ABAT: variants seen among roughly 807,000 people sequenced by gnomAD.
ABAT encodes 4-aminobutyrate aminotransferase, mitochondrial.
ABAT carries 45 observed loss-of-function variants against 64.6 expected under a neutral mutation model. That is an observed-to-expected ratio of 0.70 (90% CI 0.55 to 0.89). ABAT has a LOEUF of 0.89. Ranked by LOEUF, ABAT falls within the 40% of genes least tolerant of loss-of-function variation. ABAT has a pLI of 0.00. For missense variants in ABAT, 633 were observed against 658.4 expected (o/e 0.96, Z 0.42); for synonymous variants, 297 against 250.5 (o/e 1.19, Z -1.75).
chr16:8,730,909 C>T (rs1285727880), intron 1 of ABAT, among the ~76,000 whole-genome samples: 1 of 152,200 alleles, frequency 6.6e-6, no homozygotes, highest in Non-Finnish European at 1.5e-5. Context: ...AATAGTTTTA[C>T]TTTGTTTACT....
Position 8,768,325 on chromosome 16 carries a change from G to T in ABAT, c.667+69G>T, listed in dbSNP as rs557781212. The T allele has an allele frequency of 2.1e-4, 315 of 1,510,706 alleles. 1 individual carries two copies. Among genetic ancestry groups the T allele is most frequent in the Non-Finnish European group, 2.6e-4 (284 of 1,088,018 alleles). 93.6% of individuals were successfully genotyped at this position (1,510,706 alleles called of 1,614,324 possible). ...TAATAATAACGGCAACAATAGCGGC[G>T]GCTGACATTAGCAGTTTACACATAT... On this transcript the variant is annotated intron_variant, in intron 10 of 15. Coordinates refer to ENST00000268251, the MANE Select transcript of ABAT (RefSeq NM_020686.6).
In ABAT at chr16:8,781,798, T is replaced by A; in HGVS notation, c.*368T>A. 5.5e-6 allele frequency: 2 copies of A among 363,896 alleles called. No individual in the cohort carries two copies. The highest frequency in any genetic ancestry group is 4.5e-5 in the South Asian group (2 of 44,652). The allele number at this position is 363,896 out of a possible 1,614,324, so 22.5% of individuals were successfully genotyped here. A position where few individuals can be genotyped will look rare whatever the true frequency, so the allele number is the denominator to read the frequency against. ...TACATTTGTTCCTGGGACTGGCAGC[T>A]GGGCCTCCTGGGTGCCAGTCCATCT... On this transcript the variant is annotated 3_prime_UTR_variant, in exon 16 of 16. Coordinates refer to ENST00000268251, the MANE Select transcript of ABAT (RefSeq NM_020686.6). The surrounding 1 kb of genome is among the most constrained non-coding windows in gnomAD (Gnocchi z 4.5).
At chr16:8,683,518 T>C in intron 1 of ABAT, 1 of 146,666 alleles carries the variant, frequency 6.8e-6, no homozygotes, top group South Asian at 2.2e-4. Flanking sequence ...GCTACTGCAC[T>C]CCAGCCTGGG....
chr16:8,759,190 C>G (rs1459595557), intron 6 of ABAT, among the ~76,000 whole-genome samples: 1 of 152,074 alleles, frequency 6.6e-6, no homozygotes, highest in Non-Finnish European at 1.5e-5. Context: ...CAATGAATTT[C>G]CCATGTAACC....
intron 1 of ABAT, among the ~76,000 whole-genome samples, chr16:8,687,340 C>T (rs1240878696): frequency 3.9e-5 from 6 of 151,998 alleles, no homozygotes; most frequent in African/African-American, 1.2e-4. Context: ...CTGGTCAACA[C>T]GGTGAAACCC....
rs747632841 is a variant in ABAT at position 8,776,530 on chromosome 16, C to A, written c.1269+40C>A. The A allele has an allele frequency of 6.5e-6, 10 of 1,528,754 alleles. No individual in the cohort carries two copies. In the Admixed American group the frequency reaches 1.9e-4, roughly 29 times the overall value. The allele number at this position is 1,528,754 out of a possible 1,614,324, so 94.7% of individuals were successfully genotyped here. On this transcript the variant is annotated intron_variant, in intron 14 of 15. Coordinates refer to ENST00000268251, the MANE Select transcript of ABAT (RefSeq NM_020686.6). This position sits in a 1 kb window ranked among gnomAD's most constrained non-coding sequence, Gnocchi z 4.4. ...CCTGCCCCGCCCCCACCACCCATGG[C>A]TCCCCGCAGCAGCCTCCGGGGCAAC...
chr16:8,740,133 A>G (rs111695740), intron 2 of ABAT, among the ~76,000 whole-genome samples: 2,311 of 152,276 alleles, frequency 0.015, 54 homozygotes, highest in African/African-American at 0.053. Flanking sequence ...TTAAGTTGCC[A>G]GAGCCACAGA....
At chr16:8,684,295 G>T (rs1299451142) in intron 1 of ABAT, among the ~76,000 whole-genome samples, 1 of 152,108 alleles carries the variant, frequency 6.6e-6, no homozygotes, top group Non-Finnish European at 1.5e-5. Context: ...AGGATAGACA[G>T]CGTATGGTGG....
At chr16:8,756,980 T>C (rs1356401759) in intron 5 of ABAT, among the ~76,000 whole-genome samples, 1 of 152,094 alleles carries the variant, frequency 6.6e-6, no homozygotes, top group Non-Finnish European at 1.5e-5. Flanking sequence ...GGATGAGGCA[T>C]GCGGGTCACA....
At chr16:8,744,241 T>C (rs192366069) in intron 2 of ABAT, among the ~76,000 whole-genome samples, 16 of 152,250 alleles carry the variant, frequency 1.1e-4, no homozygotes, top group Non-Finnish European at 4.4e-5. Context: ...ACAGGAAGCA[T>C]GATGCTGGCA....
At chr16:8,695,113 C>G (rs1229564874) in intron 1 of ABAT, among the ~76,000 whole-genome samples, 1 of 152,168 alleles carries the variant, frequency 6.6e-6, no homozygotes, top group Non-Finnish European at 1.5e-5. Context: ...CCTATGAGCT[C>G]AGTTCTTTGT....
intron 1 of ABAT, among the ~76,000 whole-genome samples, chr16:8,682,700 A>G (rs1641112): frequency 0.66 from 100,396 of 151,868 alleles, 33,679 homozygotes; most frequent in East Asian, 0.91. Flanking sequence ...CTTGGATATC[A>G]GCAACTTGCC....
intron 4 of ABAT, among the ~76,000 whole-genome samples, chr16:8,749,464 T>C (rs1490760643): frequency 1.6e-5 from 2 of 127,742 alleles, no homozygotes; most frequent in Non-Finnish European, 3.2e-5. Flanking sequence ...AGTGGCACAA[T>C]CTCGGCTCAC....
chr16:8,779,678 T>A, intron 15 of ABAT, 88 bp downstream of exon 15: 1 of 1,085,246 alleles, frequency 9.2e-7, no homozygotes, highest in Non-Finnish European at 1.4e-6. Context: ...CTCAGCAATA[T>A]TTTGTGTGGG....
intron 1 of ABAT, among the ~76,000 whole-genome samples, chr16:8,721,722 G>T (rs1488709347): frequency 6.6e-6 from 1 of 152,192 alleles, no homozygotes; most frequent in African/African-American, 2.4e-5. Flanking sequence ...GGAAGAGTTT[G>T]TTTCCACTTT....
chr16:8,684,256 G>A (rs866349230), intron 1 of ABAT, among the ~76,000 whole-genome samples: 2 of 152,108 alleles, frequency 1.3e-5, no homozygotes, highest in South Asian at 2.1e-4. Context: ...ATAGGAAGCC[G>A]TTCCAAGAAA....
chr16:8,762,006 C>CCTT (rs572002488), intron 6 of ABAT, among the ~76,000 whole-genome samples: 1 of 142,696 alleles, frequency 7.0e-6, no homozygotes, highest in Non-Finnish European at 1.6e-5. Context: ...TCCTTCTTCT[C>CCTT]CTTCTTCTTC....
At chr16:8,744,546 T>C (rs2059275531) in intron 2 of ABAT, among the ~76,000 whole-genome samples, 1 of 151,930 alleles carries the variant, frequency 6.6e-6, no homozygotes, top group South Asian at 2.1e-4. Flanking sequence ...TTTTATATTT[T>C]TGATAGAGAC....
intron 14 of ABAT, among the ~76,000 whole-genome samples, chr16:8,778,158 T>C (rs1486514266): frequency 6.6e-6 from 1 of 152,086 alleles, no homozygotes; most frequent in Non-Finnish European, 1.5e-5. Flanking sequence ...GAGAGTAAGG[T>C]GAAATCAAGG....
Sources: allele counts gnomAD v4.1 joint callset (sites outside exome capture counted in the v4.1 genomes callset), GRCh38; gene constraint gnomAD v4.1.1; non-coding constraint Gnocchi (gnomAD v3.1); transcripts MANE v1.5; gene names NCBI Gene and HGNC (gene_info 2026-07-23, HGNC 2026-07-21).